UBR4: variants seen among roughly 807,000 people sequenced by gnomAD.
UBR4 encodes ubiquitin protein ligase E3 component n-recognin 4.
Under a neutral mutation model 575.6 loss-of-function variants are expected in UBR4, and 124 were observed. That is an observed-to-expected ratio of 0.22 (90% CI 0.19 to 0.25). The LOEUF (loss-of-function observed/expected upper bound fraction) is 0.25. Ranked by LOEUF, UBR4 falls within the 10% of genes least tolerant of loss-of-function variation. The probability of loss-of-function intolerance (pLI) is 1.00; values close to 1 mark genes in which losing one functional copy is unlikely to be tolerated. For synonymous variants in UBR4, 2,455 were observed against 2,473.7 expected (o/e 0.99, Z 0.22); for missense variants, 4,818 against 6,478.8 (o/e 0.74, Z 8.80).
chr1:19,132,715 A>T (rs1293389183), intron 60 of UBR4, among the ~76,000 whole-genome samples: 1 of 151,724 alleles, frequency 6.6e-6, no homozygotes, highest in African/African-American at 2.4e-5. Context: ...ATTCTTTCAA[A>T]TAAAGTTGAT....
intron 60 of UBR4, among the ~76,000 whole-genome samples, chr1:19,137,168 C>T (rs1057489094): frequency 1.3e-5 from 2 of 151,980 alleles, no homozygotes; most frequent in East Asian, 3.9e-4. Context: ...GGCGTGGTAC[C>T]GCACACCTGT....
chr1:19,164,142 A>G, intron 33 of UBR4, 111 bp downstream of exon 33: 3 of 1,313,456 alleles, frequency 2.3e-6, no homozygotes, highest in Non-Finnish European at 3.1e-6. Flanking sequence ...CCAAACTCCA[A>G]TGAAAGGGTA....
At position 19,190,312 on chromosome 1, in the gene UBR4, A is replaced by AATATATAT. The variant is rs1553226959; in HGVS notation, c.1394+1868_1394+1875dup. 2.4e-3 allele frequency among the ~76,000 whole-genome samples: 193 copies of AATATATAT among 79,662 alleles called. 1 individual carries two copies. The highest frequency in any genetic ancestry group is 0.012 in the East Asian group (20 of 1,700). The allele number at this position is 79,662 out of a possible 152,430, so 52.3% of individuals were successfully genotyped here. A position where few individuals can be genotyped will look rare whatever the true frequency, so the allele number is the denominator to read the frequency against. On this transcript the variant is annotated intron_variant, in intron 11 of 105. Coordinates refer to ENST00000375254, the MANE Select transcript of UBR4 (RefSeq NM_020765.3). ...TGCCTCAAAAAAAAAAAAAAAAAAA[A>AATATATAT]ATATATATATATATATATTTGTATG...
rs367604764 is a variant in UBR4 at position 19,077,606 on chromosome 1, G to C, written c.15324+370C>G. 1.1e-4 allele frequency among the ~76,000 whole-genome samples: 17 copies of C among 152,302 alleles called. No homozygotes were observed. In the East Asian group the frequency reaches 2.7e-3, roughly 24 times the overall value. On this transcript the variant is annotated intron_variant, in intron 104 of 105. Coordinates refer to ENST00000375254, the MANE Select transcript of UBR4 (RefSeq NM_020765.3). ...AAATTAGCCGGGCGTGGTGGTGCCT[G>C]CCTGTAATCCCAGCTACTTGGGAGG...
chr1:19,155,583 A>G lies in UBR4; in HGVS notation c.6158T>C (p.Phe2053Ser). 1 of 1,614,190 alleles carries G rather than the reference A, an allele frequency of 6.2e-7. No individual in the cohort carries two copies. The highest frequency in any genetic ancestry group is 8.5e-7 in the Non-Finnish European group (1 of 1,180,020). Residue 2053 changes from phenylalanine (F) to serine (S), a missense_variant, in exon 43 of 106, where the codon TTC becomes TCC. Coordinates refer to ENST00000375254, the MANE Select transcript of UBR4 (RefSeq NM_020765.3). ...AATGATGTTCTTTCCCTCCTCATTGAAAAGGAAGGTAACATCTCTTATCTT... is the reference window on the plus strand; with the variant it reads ...AATGATGTTCTTTCCCTCCTCATTGGAAAGGAAGGTAACATCTCTTATCTT... The part of the protein sequence containing the change: ...SSKIRDVTFL[F>S]NEEGKNIIVI...
intron 101 of UBR4, among the ~76,000 whole-genome samples, chr1:19,085,009 T>G (rs897745430): frequency 2.0e-5 from 3 of 152,226 alleles, no homozygotes; most frequent in Non-Finnish European, 2.9e-5. Flanking sequence ...TGGAGTACAT[T>G]TTGGAGGAAG....
Position 19,183,688 on chromosome 1 carries a change from C to G in UBR4, c.2184+123G>C, listed in dbSNP as rs565966027. On this transcript the variant is annotated intron_variant, in intron 17 of 105. Coordinates refer to ENST00000375254, the MANE Select transcript of UBR4 (RefSeq NM_020765.3). ...AGTGAGCCAAGACCGTGTCACTGCA[C>G]TCCAGCCTGGGTAACAGAGCAAGAC... is the stretch of plus-strand genomic sequence containing the variant. The G allele has an allele frequency of 4.1e-5, 41 of 1,010,476 alleles. No homozygotes were observed. The African/African-American group carries it at 5.5e-4, about 13-fold the overall frequency. The allele number at this position is 1,010,476 out of a possible 1,614,324, so 62.6% of individuals were successfully genotyped here.
At chr1:19,165,129 G>A (rs1422711838) in intron 31 of UBR4, 120 bp downstream of exon 31, 24 of 1,484,896 alleles carry the variant, frequency 1.6e-5, no homozygotes, top group Non-Finnish European at 2.2e-5. Context: ...AACTTTCTCT[G>A]AGGGATTCTC....
chr1:19,092,657 T>TA (rs2077639025), intron 97 of UBR4, 162 bp downstream of exon 97: 2 of 548,888 alleles, frequency 3.6e-6, no homozygotes, highest in Admixed American at 3.5e-5. Context: ...AAATCACAAA[T>TA]ACAACTTACT....
intron 28 of UBR4, 73 bp from the exon 29 acceptor site, chr1:19,167,304 T>C: frequency 1.3e-6 from 2 of 1,531,374 alleles, no homozygotes; most frequent in Non-Finnish European, 9.0e-7. Context: ...GACAGGGTAA[T>C]TCAATTACTT....
chr1:19,206,004 T>C (rs537298294), intron 1 of UBR4, among the ~76,000 whole-genome samples: 1 of 152,354 alleles, frequency 6.6e-6, no homozygotes, highest in African/African-American at 2.4e-5. Flanking sequence ...AGAAAGGAAT[T>C]ATCTGTACCT....
chr1:19,154,454 C>A lies in UBR4; in HGVS notation c.6458+464G>T, dbSNP rs75311214. Among the ~76,000 whole-genome samples, 910 of 152,282 alleles carry A rather than the reference C, an allele frequency of 6.0e-3. 39 individuals carry two copies. In the East Asian group the frequency reaches 0.082, roughly 14 times the overall value. Reference sequence around the variant, plus strand: ...AATGAAACTCTCACTACCTTACACACCCCTCTATTATTTGCAAACTTGTTG... The same window carrying A: ...AATGAAACTCTCACTACCTTACACAACCCTCTATTATTTGCAAACTTGTTG... On this transcript the variant is annotated intron_variant, in intron 44 of 105. Transcript: ENST00000375254.
rs763305734 is a variant in UBR4 at position 19,146,854 on chromosome 1, C to T, written c.7776G>A (p.Thr2592=). Residue 2592 remains threonine (T), a synonymous_variant, in exon 52 of 106, where the codon ACG becomes ACA. Transcript: ENST00000375254. Reference sequence around the variant, plus strand: ...TTTCCATCTGGGGCAGCTTTGACTCCGTAAAGTGGACAAGGTTGTTGGGGC... The same window carrying T: ...TTTCCATCTGGGGCAGCTTTGACTCTGTAAAGTGGACAAGGTTGTTGGGGC... ...IMRPNNLVHF[T]ESKLPQMETE... 25 of 1,613,702 alleles carry T rather than the reference C, an allele frequency of 1.5e-5. No homozygotes were observed. The highest frequency in any genetic ancestry group is 3.3e-4 in the Middle Eastern group (2 of 6,068).
intron 103 of UBR4, chr1:19,080,097 A>G (rs1288517892): frequency 6.6e-6 from 1 of 152,204 alleles, no homozygotes; most frequent in African/African-American, 2.4e-5. Context: ...TGGCCACTCT[A>G]TTTGCTGTGG....
chr1:19,089,133 C>A lies in UBR4; in HGVS notation c.14212-156G>T, dbSNP rs1043599791. Among the ~76,000 whole-genome samples, 5 of 152,242 alleles carry A rather than the reference C, an allele frequency of 3.3e-5. No individual in the cohort carries two copies. Among genetic ancestry groups the A allele is most frequent in the African/African-American group, 1.2e-4 (5 of 41,468 alleles). ...CTTTGATTCCACACTTTGACAGACA[C>A]AGACAAATGGAAGAGGGTTTGGCTC... On this transcript the variant is annotated intron_variant, in intron 97 of 105. Transcript: ENST00000375254. The surrounding 1 kb of genome is among the most constrained non-coding windows in gnomAD (Gnocchi z 4.3).
intron 60 of UBR4, among the ~76,000 whole-genome samples, chr1:19,131,999 T>C (rs556180569): frequency 7.2e-4 from 110 of 152,274 alleles, no homozygotes; most frequent in African/African-American, 2.6e-3. Flanking sequence ...TTTAGTAACA[T>C]ACTTTTAAAT....
Position 19,200,282 on chromosome 1 carries a change from C to CAA in UBR4, c.275-530_275-529dup, listed in dbSNP as rs71577879. On this transcript the variant is annotated intron_variant, in intron 2 of 105. Coordinates refer to ENST00000375254, the MANE Select transcript of UBR4 (RefSeq NM_020765.3). ...CTGATGAGCTTTAAAAAAAAAAAGG[C>CAA]AAAAAAAAAAATCTCATAATGTTTT... Among the ~76,000 whole-genome samples the CAA allele has an allele frequency of 3.0e-4, 44 of 146,588 alleles. No individual in the cohort carries two copies. The East Asian group carries it at 4.2e-3, about 14-fold the overall frequency.
At position 19,173,214 on chromosome 1, in the gene UBR4, A is replaced by G. The variant is rs2089826884; in HGVS notation, c.3258T>C (p.Asp1086=). The G allele has an allele frequency of 6.2e-7, 1 of 1,614,092 alleles. No individual in the cohort carries two copies. Among genetic ancestry groups the G allele is most frequent in the East Asian group, 2.2e-5 (1 of 44,902 alleles). ...CGAAGTATTCCTCTACTATTTCAAC[A>G]TCATATTTCACTGAGCTACACTTAG... is the stretch of plus-strand genomic sequence containing the variant. ...STTKCSSVKY[D]VEIVEEYFAR... The change falls in exon 24 of 106, where the codon GAT becomes GAC. Residue 1086 remains aspartate (D), a synonymous_variant. Transcript: ENST00000375254.
At chr1:19,158,139 T>C (rs1200054386) in intron 39 of UBR4, 142 bp from the exon 40 acceptor site, 1 of 731,708 alleles carries the variant, frequency 1.4e-6, no homozygotes, top group African/African-American at 1.8e-5. Flanking sequence ...CGTGGATGGC[T>C]GTGTAAATGT....
Sources: gnomAD v4.1 joint callset for allele counts (sites outside exome capture counted in the v4.1 genomes callset) on GRCh38, gnomAD v4.1.1 for gene constraint, Gnocchi (gnomAD v3.1) non-coding constraint, MANE v1.5 for transcripts, NCBI Gene and HGNC (gene_info 2026-07-23, HGNC 2026-07-21) for gene names.